The following MAF variants were observed in gnomAD, a reference collection of about 807,000 sequenced individuals.
The protein encoded by MAF is transcription factor Maf.
A neutral mutation model predicts 22.0 loss-of-function variants in MAF; 10 were observed. That is an observed-to-expected ratio of 0.45 (90% confidence interval 0.28 to 0.77). MAF has a LOEUF of 0.77. MAF is among the 30% of genes least tolerant of loss of function. The pLI is 0.12. For synonymous variants in MAF, 337 were observed against 255.8 expected (o/e 1.32, Z -3.03); for missense variants, 544 against 548.4 (o/e 0.99, Z 0.08).
chr16:79,435,189 C>T, the MAF span, among the ~76,000 whole-genome samples: 1 of 152,124 alleles, frequency 6.6e-6, no homozygotes, highest in African/African-American at 2.4e-5. Flanking sequence ...TCCATATATA[C>T]ACACACAGCT....
the MAF span, among the ~76,000 whole-genome samples, chr16:79,342,287 G>T: frequency 6.6e-6 from 1 of 152,154 alleles, no homozygotes; most frequent in Non-Finnish European, 1.5e-5. Context: ...CCCTTGCCAA[G>T]AAAGAGGGCC....
chr16:79,278,388 C>A, the MAF span, among the ~76,000 whole-genome samples: 4 of 152,156 alleles, frequency 2.6e-5, no homozygotes, highest in African/African-American at 9.7e-5. Flanking sequence ...AAGCGAAATC[C>A]CTGTGACTTG....
At chr16:79,354,069 C>T in the MAF span, among the ~76,000 whole-genome samples, 1 of 152,106 alleles carries the variant, frequency 6.6e-6, no homozygotes, top group Non-Finnish European at 1.5e-5. Context: ...CATCACGGCT[C>T]ACTGCAGCCT....
chr16:79,423,126 G>C, the MAF span, among the ~76,000 whole-genome samples: 1 of 152,076 alleles, frequency 6.6e-6, no homozygotes, highest in African/African-American at 2.4e-5. Flanking sequence ...TAAGTGTAAC[G>C]TGCACGTGAG....
the MAF span, among the ~76,000 whole-genome samples, chr16:79,385,228 A>G: frequency 6.6e-6 from 1 of 152,154 alleles, no homozygotes; most frequent in Non-Finnish European, 1.5e-5. Context: ...AATAAATTCA[A>G]CTCCCTTTGA....
At chr16:79,579,331 T>C in the MAF span, among the ~76,000 whole-genome samples, 2 of 152,244 alleles carry the variant, frequency 1.3e-5, no homozygotes, top group African/African-American at 4.8e-5. Context: ...TTTCAGAAGA[T>C]GCTTTTTCAA....
At chr16:79,525,953 G>C in the MAF span, among the ~76,000 whole-genome samples, 2 of 152,270 alleles carry the variant, frequency 1.3e-5, no homozygotes, top group South Asian at 2.1e-4. Context: ...GGAGACGTGA[G>C]GACATCAGCT....
the MAF span, among the ~76,000 whole-genome samples, chr16:79,253,578 T>C: frequency 2.6e-5 from 4 of 152,152 alleles, no homozygotes; most frequent in Non-Finnish European, 4.4e-5. Context: ...GGTGTGTGTA[T>C]GTGCATGCGG....
chr16:79,597,452 T>A lies in MAF; in HGVS notation c.1118+1333A>T, dbSNP rs1913601622. 5 of 1,027,724 alleles carry A rather than the reference T, an allele frequency of 4.9e-6. No individual in the cohort carries two copies. In the Admixed American group the frequency reaches 2.9e-4, roughly 59 times the overall value. The allele number at this position is 1,027,724 out of a possible 1,614,324, so 63.7% of individuals were successfully genotyped here. ...AGACTGCTTCTCGGCAATAGCACAA[T>A]TTTAGTCCCCAAAGTGGGGCGTCAT... On this transcript the variant is annotated intron_variant, in intron 1 of 1. Transcript: ENST00000326043.
the MAF span, among the ~76,000 whole-genome samples, chr16:79,270,975 A>G: frequency 6.6e-6 from 1 of 150,566 alleles, no homozygotes; most frequent in African/African-American, 2.5e-5. Flanking sequence ...ATCTTGGCTC[A>G]CTGCAATCTC....
At chr16:79,204,286 G>C in the MAF span, 1 of 152,072 alleles carries the variant, frequency 6.6e-6, no homozygotes, top group African/African-American at 2.4e-5. Flanking sequence ...GTTCTAATGA[G>C]ACAGCCTCTC....
the MAF span, among the ~76,000 whole-genome samples, chr16:79,543,101 G>C: frequency 3.9e-5 from 6 of 152,174 alleles, no homozygotes; most frequent in African/African-American, 9.7e-5. Context: ...TTTGAGTTTT[G>C]CATTTCACTA....
At chr16:79,408,701 T>G in the MAF span, among the ~76,000 whole-genome samples, 1 of 150,642 alleles carries the variant, frequency 6.6e-6, no homozygotes, top group Non-Finnish European at 1.5e-5. Flanking sequence ...CCTCCATCCC[T>G]TTCTCTCTCC....
chr16:79,580,192 C>T, the MAF span, among the ~76,000 whole-genome samples: 2 of 152,126 alleles, frequency 1.3e-5, no homozygotes, highest in Non-Finnish European at 2.9e-5. Context: ...ACCCTATCAG[C>T]CTGATTTGAG....
the MAF span, among the ~76,000 whole-genome samples, chr16:79,295,625 A>T: frequency 6.6e-6 from 1 of 152,238 alleles, no homozygotes; most frequent in Admixed American, 6.5e-5. Flanking sequence ...TTTTAGGCTA[A>T]ATTTGTTAAC....
At chr16:79,205,223 A>G in the MAF span, 1 of 151,884 alleles carries the variant, frequency 6.6e-6, no homozygotes, top group South Asian at 2.1e-4. Flanking sequence ...CTGTGCTTGA[A>G]CCTGTTGCAT....
the MAF span, among the ~76,000 whole-genome samples, chr16:79,503,798 G>A: frequency 2.0e-5 from 3 of 152,260 alleles, no homozygotes; most frequent in Non-Finnish European, 4.4e-5. Flanking sequence ...CTGCCTTATG[G>A]TTACTCCGTA....
the MAF span, among the ~76,000 whole-genome samples, chr16:79,474,941 C>T: frequency 6.6e-6 from 1 of 152,210 alleles, no homozygotes; most frequent in African/African-American, 2.4e-5. Flanking sequence ...GAAATGTGTG[C>T]ATTAATCCAA....
At chr16:79,260,882 A>G in the MAF span, among the ~76,000 whole-genome samples, 1 of 152,246 alleles carries the variant, frequency 6.6e-6, no homozygotes, top group Non-Finnish European at 1.5e-5. Flanking sequence ...TGTATAGCAA[A>G]GTACAAAATC....
Sources: gnomAD v4.1 joint callset for allele counts (sites outside exome capture counted in the v4.1 genomes callset) on GRCh38, gnomAD v4.1.1 for gene constraint, MANE v1.5 for transcripts, NCBI Gene and HGNC (gene_info 2026-07-23, HGNC 2026-07-21) for gene names.